Variants in FKBP1B observed in about 807,000 individuals in gnomAD.
FKBP1B encodes peptidyl-prolyl cis-trans isomerase FKBP1B.
FKBP1B carries 4 observed loss-of-function variants against 13.5 expected under a neutral mutation model. That is an observed-to-expected ratio of 0.30 (90% CI 0.15 to 0.68). FKBP1B has a LOEUF of 0.68. FKBP1B is among the 30% of genes least tolerant of loss of function. The pLI is 0.76. For synonymous variants in FKBP1B, 54 were observed against 53.6 expected, an observed-to-expected ratio of 1.01 and a Z score of -0.03; for missense variants, 93 against 136.2, an observed-to-expected ratio of 0.68 and a Z score of 1.58.
At chr2:24,043,888 T>TAA in the FKBP1B span, among the ~76,000 whole-genome samples, 1,603 of 147,482 alleles carry the variant, frequency 0.011, 17 homozygotes, top group South Asian at 0.046. Flanking sequence ...ATCTTTCACT[T>TAA]AAAAAAAAAA....
the FKBP1B span, chr2:24,038,133 C>T: frequency 1.4e-5 from 23 of 1,614,134 alleles, no homozygotes; most frequent in South Asian, 2.2e-5. Flanking sequence ...CTTTATTTAA[C>T]GGAGCACTGA....
intron 1 of FKBP1B, among the ~76,000 whole-genome samples, chr2:24,053,276 T>C (rs1663961418): frequency 6.8e-6 from 1 of 146,892 alleles, no homozygotes; most frequent in African/African-American, 2.5e-5. Context: ...CACACCCAGC[T>C]AATTGAAAAG....
At chr2:24,038,751 CGGAGT>C in the FKBP1B span, 1 of 1,614,128 alleles carries the variant, frequency 6.2e-7, no homozygotes, top group South Asian at 1.1e-5. Flanking sequence ...GTAAAGCATA[CGGAGT>C]CATGTCTTTA....
upstream of FKBP1B, among the ~76,000 whole-genome samples, chr2:24,046,889 C>T (rs996073434): frequency 1.3e-5 from 2 of 152,136 alleles, no homozygotes; most frequent in Non-Finnish European, 2.9e-5. Flanking sequence ...TAGCATTTCC[C>T]TATGTTATTT....
At chr2:24,049,920 G>A in intron 1 of FKBP1B, 34 bp downstream of exon 1, 2 of 1,382,404 alleles carry the variant, frequency 1.4e-6, no homozygotes, top group Non-Finnish European at 1.9e-6. Context: ...GGGGAGGGGA[G>A]GGGTCCCGGG....
chr2:24,043,404 A>T, the FKBP1B span, among the ~76,000 whole-genome samples: 32 of 152,018 alleles, frequency 2.1e-4, no homozygotes, highest in Admixed American at 1.2e-3. Context: ...CCAACAATTT[A>T]GGAGGCCAAG....
the FKBP1B span, chr2:24,039,178 C>T: frequency 2.5e-6 from 4 of 1,614,232 alleles, no homozygotes; most frequent in Non-Finnish European, 2.5e-6. Flanking sequence ...TCTAATCTCA[C>T]AAGTCTGAGA....
At chr2:24,053,483 TA>T in intron 1 of FKBP1B, among the ~76,000 whole-genome samples, 1 of 152,136 alleles carries the variant, frequency 6.6e-6, no homozygotes, top group East Asian at 1.9e-4. Flanking sequence ...GGATGGATTA[TA>T]ATCTGCATTG....
the FKBP1B span, among the ~76,000 whole-genome samples, chr2:24,041,389 C>T: frequency 1.3e-5 from 2 of 151,680 alleles, no homozygotes. Context: ...GCCCCTTTAG[C>T]TCCTCCTCCT....
At chr2:24,038,759 T>G in the FKBP1B span, 1 of 1,614,204 alleles carries the variant, frequency 6.2e-7, no homozygotes, top group Non-Finnish European at 8.5e-7. Flanking sequence ...TACGGAGTCA[T>G]GTCTTTACTG....
At chr2:24,060,562 AT>A (rs1202227736) in intron 2 of FKBP1B, among the ~76,000 whole-genome samples, 1 of 152,172 alleles carries the variant, frequency 6.6e-6, no homozygotes, top group Non-Finnish European at 1.5e-5. Context: ...AAATAAATAA[AT>A]AAATAAATAA....
In FKBP1B at chr2:24,053,833, A is replaced by T. The variant is rs377638031; in HGVS notation, c.38-69A>T. ...ATGCAGGCTGGAGCTCTTGGTCAGGATCATACTTAATGTCCCAGGTGTTTT... is the reference window on the plus strand; with the variant it reads ...ATGCAGGCTGGAGCTCTTGGTCAGGTTCATACTTAATGTCCCAGGTGTTTT... On this transcript the variant is annotated intron_variant, in intron 1 of 3. Coordinates refer to ENST00000380986, the MANE Select transcript of FKBP1B (RefSeq NM_004116.5). The T allele has an allele frequency of 3.4e-6, 5 of 1,455,166 alleles. No homozygotes were observed. The African/African-American group carries it at 6.9e-5, about 20-fold the overall frequency. 90.1% of individuals were successfully genotyped at this position (1,455,166 alleles called of 1,614,324 possible). A position where few individuals can be genotyped will look rare whatever the true frequency, so the allele number is the denominator to read the frequency against.
At chr2:24,052,901 A>G (rs1663944702) in intron 1 of FKBP1B, among the ~76,000 whole-genome samples, 1 of 152,040 alleles carries the variant, frequency 6.6e-6, no homozygotes, top group African/African-American at 2.4e-5. Flanking sequence ...AGCCCAGGAA[A>G]GGTCAAGGCT....
At chr2:24,057,812 T>C (rs12713161) in intron 2 of FKBP1B, among the ~76,000 whole-genome samples, 70,281 of 151,954 alleles carry the variant, frequency 0.46, 16,858 homozygotes, top group African/African-American at 0.56. Context: ...CCACTGTACC[T>C]GGCCTGAACA....
the FKBP1B span, among the ~76,000 whole-genome samples, chr2:24,033,479 C>T: frequency 0.1 from 15,862 of 152,230 alleles, 933 homozygotes; most frequent in Middle Eastern, 0.18. Context: ...CAGTGGCTCA[C>T]CCCTTAGTAC....
chr2:24,049,959 C>T, intron 1 of FKBP1B, 73 bp downstream of exon 1: 1 of 1,241,996 alleles, frequency 8.1e-7, no homozygotes, highest in Non-Finnish European at 1.0e-6. Context: ...GGGTCTGATT[C>T]GGAGGTGGCG....
At chr2:24,045,881 C>T (rs117857719), upstream of FKBP1B, 861 of 152,016 alleles carry the variant, frequency 5.7e-3, no homozygotes, top group East Asian at 0.013. Flanking sequence ...TGATACAGAG[C>T]GTAGCATGGC....
chr2:24,054,452 T>C (rs1358397573), intron 2 of FKBP1B: 1 of 182,590 alleles, frequency 5.5e-6, no homozygotes, highest in African/African-American at 2.4e-5. Flanking sequence ...CTGATCCCAG[T>C]TGGATGCTCT....
At chr2:24,037,750 A>G in the FKBP1B span, 2 of 1,614,272 alleles carry the variant, frequency 1.2e-6, no homozygotes, top group Non-Finnish European at 1.7e-6. Flanking sequence ...CCCATTATGC[A>G]GACGGTTTGT....
Sources: gnomAD v4.1 joint callset for allele counts (sites outside exome capture counted in the v4.1 genomes callset) on GRCh38, gnomAD v4.1.1 for gene constraint, MANE v1.5 for transcripts, NCBI Gene and HGNC (gene_info 2026-07-23, HGNC 2026-07-21) for gene names.